PSMD6: variants seen among roughly 807,000 people sequenced by gnomAD.
The protein encoded by PSMD6 is proteasome 26S subunit, non-ATPase 6.
Under a neutral mutation model 44.9 loss-of-function variants are expected in PSMD6, and 7 were observed. The observed-to-expected ratio is 0.16, with a 90% CI of 0.09 to 0.29. The LOEUF (loss-of-function observed/expected upper bound fraction) is 0.29. Among genes scored for constraint, PSMD6 ranks in the 10% least tolerant of loss-of-function variants. PSMD6 has a pLI of 1.00. For missense variants in PSMD6, 420 were observed against 482.6 expected (o/e 0.87, Z 1.21); for synonymous variants, 184 against 172.7 (o/e 1.07, Z -0.51).
chr3:64,016,997 T>C (rs1166906759), intron 5 of PSMD6: 1 of 152,184 alleles, frequency 6.6e-6, no homozygotes, highest in African/African-American at 2.4e-5. Flanking sequence ...TACTGATACA[T>C]GCTACAACAT....
chr3:64,023,873 T>C, upstream of PSMD6: 2 of 1,435,500 alleles, frequency 1.4e-6, no homozygotes, highest in Non-Finnish European at 9.4e-7. Flanking sequence ...GGTAGTACTA[T>C]TAGCCTATTT....
rs559430716 is a variant in PSMD6 at position 64,011,006 on chromosome 3, A to T, written c.996-51T>A. The T allele has an allele frequency of 3.5e-3, 4,966 of 1,430,660 alleles. 14 individuals carry two copies. Among genetic ancestry groups the T allele is most frequent in the Non-Finnish European group, 4.1e-3 (4,271 of 1,044,488 alleles). 88.6% of individuals were successfully genotyped at this position (1,430,660 alleles called of 1,614,324 possible). On this transcript the variant is annotated intron_variant, in intron 6 of 7. Coordinates refer to ENST00000295901, the MANE Select transcript of PSMD6 (RefSeq NM_014814.3). ...AATTAGCTTTATAGAAAATTCTTAG[A>T]AAAATGCAAACGGCATTAAAATACT...
intron 5 of PSMD6, chr3:64,015,822 T>C (rs1466391820): frequency 6.6e-6 from 1 of 152,212 alleles, no homozygotes; most frequent in African/African-American, 2.4e-5. Flanking sequence ...TATATGATAC[T>C]GTTTACAACT....
intron 2 of PSMD6, among the ~76,000 whole-genome samples, chr3:64,021,004 T>C (rs1039642974): frequency 6.6e-6 from 1 of 152,040 alleles, no homozygotes; most frequent in African/African-American, 2.4e-5. Flanking sequence ...TGAGTACCCC[T>C]CTGGTGCCCT....
At chr3:64,012,390 A>C (rs2075972259) in intron 6 of PSMD6, 1 of 152,128 alleles carries the variant, frequency 6.6e-6, no homozygotes, top group Admixed American at 6.6e-5. Flanking sequence ...CTCTACTCTC[A>C]CCACCCTCGT....
At chr3:64,019,581 G>T in intron 2 of PSMD6, 140 bp from the exon 3 acceptor site, 1 of 823,382 alleles carries the variant, frequency 1.2e-6, no homozygotes, top group Non-Finnish European at 1.8e-6. Context: ...ACTGTTAATT[G>T]TTGAAGCTGG....
Position 64,010,567 on chromosome 3 carries a change from C to CAGTATTTATTTTA in PSMD6, c.*88_*100dup. The CAGTATTTATTTTA allele has an allele frequency of 1.3e-6, 1 of 772,064 alleles. No individual in the cohort carries two copies. Among genetic ancestry groups the CAGTATTTATTTTA allele is most frequent in the African/African-American group, 1.8e-5 (1 of 55,880 alleles). The allele number at this position is 772,064 out of a possible 1,614,324, so 47.8% of individuals were successfully genotyped here. On this transcript the variant is annotated 3_prime_UTR_variant, in exon 8 of 8. Transcript: ENST00000295901. ...AAATAAATGGAAAGAAACAACAATG[C>CAGTATTTATTTTA]AGTATTTATTTTATACAGCTGACCT... is the stretch of plus-strand genomic sequence containing the variant.
At chr3:64,015,099 T>G (rs1437940750) in intron 5 of PSMD6, 1 of 152,198 alleles carries the variant, frequency 6.6e-6, no homozygotes, top group Admixed American at 6.5e-5. Context: ...AACCATGAGA[T>G]GGTGCGTATT....
At chr3:64,022,884 A>G (rs2076155659) in intron 1 of PSMD6, 2 of 1,505,218 alleles carry the variant, frequency 1.3e-6, no homozygotes, top group Non-Finnish European at 1.8e-6. Context: ...AAGGGCCAGA[A>G]AGAACCGAAC....
chr3:64,019,622 C>A, intron 2 of PSMD6, 181 bp from the exon 3 acceptor site: 1 of 526,040 alleles, frequency 1.9e-6, no homozygotes, highest in Non-Finnish European at 3.2e-6. Flanking sequence ...TATTATTCTA[C>A]TTTCTCTACC....
At chr3:64,013,384 A>G (rs2075993048) in intron 6 of PSMD6, 55 bp downstream of exon 6, 3 of 1,454,668 alleles carry the variant, frequency 2.1e-6, no homozygotes, top group Non-Finnish European at 2.8e-6. Context: ...ACAAGTTCAC[A>G]TATTTTAAAA....
intron 6 of PSMD6, chr3:64,012,220 G>A (rs2280160): frequency 0.68 from 102,703 of 151,922 alleles, 36,588 homozygotes; most frequent in African/African-American, 0.92. Flanking sequence ...AAAAATACTA[G>A]AAAGAGAATG....
chr3:64,017,280 A>G (rs2076060487), intron 5 of PSMD6: 1 of 152,188 alleles, frequency 6.6e-6, no homozygotes. Context: ...ACTTGAGGTA[A>G]TTTTATGGTG....
chr3:64,022,886 G>A (rs184009472), intron 1 of PSMD6: 31 of 1,500,312 alleles, frequency 2.1e-5, no homozygotes, highest in Admixed American at 2.0e-5. Flanking sequence ...GGGCCAGAAA[G>A]AACCGAACCC....
chr3:64,011,196 G>A (rs1320376327), intron 6 of PSMD6: 2 of 363,644 alleles, frequency 5.5e-6, no homozygotes, highest in African/African-American at 2.1e-5. Context: ...ATCAAACAAT[G>A]AAACCATATG....
At chr3:64,015,346 G>C (rs2076026353) in intron 5 of PSMD6, 1 of 152,154 alleles carries the variant, frequency 6.6e-6, no homozygotes, top group Non-Finnish European at 1.5e-5. Flanking sequence ...ATAACAAGTG[G>C]GAAAGATAAA....
intron 5 of PSMD6, 195 bp downstream of exon 5, chr3:64,018,404 G>A (rs2076080953): frequency 8.4e-6 from 4 of 476,416 alleles, no homozygotes; most frequent in Non-Finnish European, 1.5e-5. Context: ...CTTACCTCCT[G>A]GGCCATACAG....
At chr3:64,021,238 G>T (rs1057475293) in intron 2 of PSMD6, among the ~76,000 whole-genome samples, 1 of 152,144 alleles carries the variant, frequency 6.6e-6, no homozygotes, top group Non-Finnish European at 1.5e-5. Flanking sequence ...AACAACAGCT[G>T]AACAGGCAAA....
In PSMD6 at chr3:64,023,466, C is replaced by G. The variant is rs767169997; in HGVS notation, c.-47G>C. 7 of 1,512,734 alleles carry G rather than the reference C, an allele frequency of 4.6e-6. No homozygotes were observed. Among genetic ancestry groups the G allele is most frequent in the Non-Finnish European group, 6.2e-6 (7 of 1,123,038 alleles). The allele number at this position is 1,512,734 out of a possible 1,614,324, so 93.7% of individuals were successfully genotyped here. A position where few individuals can be genotyped will look rare whatever the true frequency, so the allele number is the denominator to read the frequency against. On this transcript the variant is annotated 5_prime_UTR_variant, in exon 1 of 8. Transcript: ENST00000295901. ...TGACAGGACACAACTTGGTTACGACCGGCTGCGGCAGCGGAAGCGGGAGGA... is the reference window on the plus strand; with the variant it reads ...TGACAGGACACAACTTGGTTACGACGGGCTGCGGCAGCGGAAGCGGGAGGA...
Sources: allele counts gnomAD v4.1 joint callset (sites outside exome capture counted in the v4.1 genomes callset), GRCh38; gene constraint gnomAD v4.1.1; transcripts MANE v1.5; gene names NCBI Gene and HGNC (gene_info 2026-07-23, HGNC 2026-07-21).